The following MACROD2 variants were observed in gnomAD, a reference collection of about 807,000 sequenced individuals.
MACROD2 encodes the protein ADP-ribose glycohydrolase MACROD2.
MACROD2 carries 36 observed loss-of-function variants against 70.4 expected under a neutral mutation model. The observed-to-expected ratio is 0.51, with a 90% confidence interval of 0.39 to 0.68. The LOEUF (loss-of-function observed/expected upper bound fraction) is 0.68, where lower values mean the gene tolerates loss of function less well. Among genes scored for constraint, MACROD2 ranks in the 30% least tolerant of loss-of-function variants. MACROD2 has a pLI of 0.00. For synonymous variants in MACROD2, 172 were observed against 178.8 expected (o/e 0.96, Z 0.30); for missense variants, 496 against 538.4 (o/e 0.92, Z 0.78).
intron 8 of MACROD2, among the ~76,000 whole-genome samples, chr20:15,574,210 T>C (rs1376301666): frequency 2.0e-5 from 3 of 151,662 alleles, no homozygotes; most frequent in Non-Finnish European, 4.4e-5. Context: ...TGGCATGTCA[T>C]AATGATTTTT....
At chr20:15,967,674 G>GTA in intron 13 of MACROD2, 44 bp downstream of exon 13, 3 of 1,115,162 alleles carry the variant, frequency 2.7e-6, no homozygotes, top group Non-Finnish European at 3.7e-6. Context: ...TCTTCTGCTG[G>GTA]GAAACAGAAA....
chr20:14,298,581 A>AAAGG (rs2122478258), intron 3 of MACROD2, among the ~76,000 whole-genome samples: 1 of 147,070 alleles, frequency 6.8e-6, no homozygotes, highest in South Asian at 2.1e-4. Context: ...AAAAAAAAAA[A>AAAGG]AAGAAGTGAA....
At chr20:14,107,471 G>A (rs927388501) in intron 3 of MACROD2, among the ~76,000 whole-genome samples, 2 of 152,118 alleles carry the variant, frequency 1.3e-5, no homozygotes, top group Non-Finnish European at 1.5e-5. Flanking sequence ...AAGAGATGGG[G>A]TAGAAAGTGT....
intron 8 of MACROD2, among the ~76,000 whole-genome samples, chr20:15,741,023 T>G (rs1166001866): frequency 6.6e-6 from 1 of 151,682 alleles, no homozygotes; most frequent in East Asian, 1.9e-4. Flanking sequence ...CTCCAATGGA[T>G]CACACCTCAC....
intron 3 of MACROD2, among the ~76,000 whole-genome samples, chr20:14,428,228 A>G (rs1273422595): frequency 6.6e-6 from 1 of 152,144 alleles, no homozygotes; most frequent in African/African-American, 2.4e-5. Flanking sequence ...AGACCAGACC[A>G]CACTGTCTTC....
At chr20:15,606,894 C>T (rs767214334) in intron 8 of MACROD2, among the ~76,000 whole-genome samples, 17 of 151,338 alleles carry the variant, frequency 1.1e-4, no homozygotes, top group Non-Finnish European at 2.1e-4. Context: ...CCCAGCTACT[C>T]GGGAGGCTGA....
chr20:15,249,719 G>A (rs939331282), intron 6 of MACROD2, among the ~76,000 whole-genome samples: 8 of 152,144 alleles, frequency 5.3e-5, no homozygotes, highest in South Asian at 2.1e-4. Flanking sequence ...TTGATGCTAC[G>A]TTATTTCCAA....
chr20:14,503,156 G>T (rs2084932304), intron 4 of MACROD2, among the ~76,000 whole-genome samples: 1 of 152,192 alleles, frequency 6.6e-6, no homozygotes. Flanking sequence ...ACAGAATAGA[G>T]TTAATGGCCC....
chr20:15,051,347 TGTGTGTGTGTGTGTG>T (rs2075439068), intron 5 of MACROD2, among the ~76,000 whole-genome samples: 1 of 6,314 alleles, frequency 1.6e-4, no homozygotes, highest in African/African-American at 1.3e-3. Context: ...GATGTGTGTG[TGTGTGTGTGTGTGTG>T]TGTGTGTGTG....
chr20:15,860,115 G>A (rs1601008504), intron 8 of MACROD2, among the ~76,000 whole-genome samples: 1 of 152,100 alleles, frequency 6.6e-6, no homozygotes, highest in East Asian at 1.9e-4. Context: ...AACCTGGGCA[G>A]CAGAGCAAGA....
intron 5 of MACROD2, among the ~76,000 whole-genome samples, chr20:14,716,294 C>T (rs2071396282): frequency 6.6e-6 from 1 of 152,150 alleles, no homozygotes; most frequent in African/African-American, 2.4e-5. Flanking sequence ...CTTTTCAAGC[C>T]CAGTCTTTAT....
At chr20:14,355,664 CA>C (rs747122945) in intron 3 of MACROD2, among the ~76,000 whole-genome samples, 4 of 151,906 alleles carry the variant, frequency 2.6e-5, no homozygotes, top group Non-Finnish European at 4.4e-5. Flanking sequence ...ATATTAAGAG[CA>C]AATTTGAAAT....
chr20:15,754,866 T>G lies in MACROD2; in HGVS notation c.646-107879T>G, dbSNP rs562163814. ...AGATGGGGCCCAGGAGTTTGCTGGG[T>G]TTTTTTTTTTGCAATGGAATCTAGC... On this transcript the variant is annotated intron_variant, in intron 8 of 17. Transcript: ENST00000684519. Among the ~76,000 whole-genome samples the G allele has an allele frequency of 1.1e-4, 13 of 114,622 alleles. No homozygotes were observed. The South Asian group carries it at 2.1e-3, about 19-fold the overall frequency. 75.2% of individuals were successfully genotyped at this position (114,622 alleles called of 152,430 possible). A position where few individuals can be genotyped will look rare whatever the true frequency, so the allele number is the denominator to read the frequency against.
intron 15 of MACROD2, among the ~76,000 whole-genome samples, chr20:16,016,501 G>A (rs769978291): frequency 3.9e-5 from 6 of 152,134 alleles, no homozygotes; most frequent in Non-Finnish European, 8.8e-5. Flanking sequence ...CCAGTTGGAT[G>A]TCTCATTGAC....
Position 15,321,103 on chromosome 20 carries a change from TC to T in MACROD2, c.540+91044del, listed in dbSNP as rs1184607508. Among the ~76,000 whole-genome samples the T allele has an allele frequency of 3.9e-5, 4 of 103,842 alleles. 1 individual carries two copies. The highest frequency in any genetic ancestry group is 9.8e-5 in the Non-Finnish European group (4 of 40,630). The allele number at this position is 103,842 out of a possible 152,430, so 68.1% of individuals were successfully genotyped here. On this transcript the variant is annotated intron_variant, in intron 6 of 17. Transcript: ENST00000684519. ...CAAAGTTGTTTCAAAATGCATGCCA[TC>T]CTGATGACAGGCCACTCGTTGTGGC...
intron 3 of MACROD2, among the ~76,000 whole-genome samples, chr20:14,427,616 A>G (rs1214974913): frequency 2.0e-5 from 3 of 152,052 alleles, no homozygotes; most frequent in Non-Finnish European, 2.9e-5. Flanking sequence ...ATCCACAACC[A>G]TGACACATGC....
chr20:15,661,306 A>T (rs1315628515), intron 8 of MACROD2, among the ~76,000 whole-genome samples: 1 of 152,182 alleles, frequency 6.6e-6, no homozygotes, highest in Non-Finnish European at 1.5e-5. Context: ...GGCAGGCTCT[A>T]CAAGAGGCAG....
At chr20:15,583,286 A>G (rs1027207949) in intron 8 of MACROD2, among the ~76,000 whole-genome samples, 2 of 152,178 alleles carry the variant, frequency 1.3e-5, no homozygotes, top group African/African-American at 4.8e-5. Context: ...TCTTAACAAA[A>G]GACTACATAA....
At chr20:14,297,511 A>G (rs2082437419) in intron 3 of MACROD2, among the ~76,000 whole-genome samples, 1 of 151,964 alleles carries the variant, frequency 6.6e-6, no homozygotes, top group South Asian at 2.1e-4. Flanking sequence ...AGTGGTCTGG[A>G]AAGAAGACCA....
Sources: gnomAD v4.1 joint callset for allele counts (sites outside exome capture counted in the v4.1 genomes callset) on GRCh38, gnomAD v4.1.1 for gene constraint, MANE v1.5 for transcripts, NCBI Gene and HGNC (gene_info 2026-07-23, HGNC 2026-07-21) for gene names.